Variants in DUSP16 observed in about 807,000 individuals in gnomAD.
DUSP16 encodes dual specificity protein phosphatase 16.
Under a neutral mutation model 58.3 loss-of-function variants are expected in DUSP16, and 21 were observed. The observed-to-expected ratio is 0.36, with a 90% CI of 0.26 to 0.52. DUSP16 has a LOEUF of 0.52. Ranked by LOEUF, DUSP16 falls within the 20% of genes least tolerant of loss-of-function variation. The pLI is 0.94. For synonymous variants in DUSP16, 320 were observed against 323.8 expected (o/e 0.99, Z 0.12); for missense variants, 726 against 819.0 (o/e 0.89, Z 1.39).
chr12:12,560,961 C>CACACACACACACACACACACAG, intron 1 of DUSP16: 1 of 152,300 alleles, frequency 6.6e-6, no homozygotes, highest in Admixed American at 6.5e-5. Flanking sequence ...CACACACACA[C>CACACACACACACACACACACAG]ACACAGAGGC....
At chr12:12,539,938 C>T (rs931764332) in intron 1 of DUSP16, among the ~76,000 whole-genome samples, 1 of 151,652 alleles carries the variant, frequency 6.6e-6, no homozygotes, top group Non-Finnish European at 1.5e-5. Context: ...CCCAGCTACT[C>T]GGGAGGCTGG....
At chr12:12,507,873 C>T (rs930222813) in intron 3 of DUSP16, among the ~76,000 whole-genome samples, 1 of 152,196 alleles carries the variant, frequency 6.6e-6, no homozygotes, top group Non-Finnish European at 1.5e-5. Context: ...CCTCCCAAAG[C>T]GCTGGGATTA....
intron 1 of DUSP16, chr12:12,554,808 A>T (rs1944784957): frequency 6.9e-6 from 1 of 145,160 alleles, no homozygotes. Context: ...TGTCTCAATT[A>T]AAAAAAAAAA....
intron 3 of DUSP16, among the ~76,000 whole-genome samples, chr12:12,508,227 C>A (rs1203462278): frequency 6.6e-6 from 1 of 152,024 alleles, no homozygotes; most frequent in African/African-American, 2.4e-5. Flanking sequence ...ATTTAGGCAA[C>A]TTTATTCTCT....
chr12:12,529,821 C>T (rs1443542957), intron 1 of DUSP16, among the ~76,000 whole-genome samples: 1 of 152,178 alleles, frequency 6.6e-6, no homozygotes, highest in Non-Finnish European at 1.5e-5. Context: ...TCACTTAACA[C>T]AATGTCCTCC....
intron 1 of DUSP16, chr12:12,554,698 T>C (rs1345051335): frequency 2.6e-5 from 4 of 152,190 alleles, no homozygotes; most frequent in Admixed American, 2.6e-4. Context: ...CACATGAAAA[T>C]ATTTTAACAT....
In DUSP16 at chr12:12,475,499, G is replaced by T. The variant is rs770867191; in HGVS notation, c.*1334C>A. ...CGTTTCCAAAAACAGCTTGGCCATG[G>T]CTTTGCACTCTATTCACAACTGATC... On this transcript the variant is annotated 3_prime_UTR_variant, in exon 7 of 7. Transcript: ENST00000298573. 4 of 152,152 alleles carry T rather than the reference G, an allele frequency of 2.6e-5. No homozygotes were observed. Among genetic ancestry groups the T allele is most frequent in the Non-Finnish European group, 5.9e-5 (4 of 68,046 alleles). 9.4% of individuals were successfully genotyped at this position (152,152 alleles called of 1,614,324 possible). A position where few individuals can be genotyped will look rare whatever the true frequency, so the allele number is the denominator to read the frequency against.
intron 1 of DUSP16, among the ~76,000 whole-genome samples, chr12:12,549,475 C>T (rs1461421608): frequency 6.6e-6 from 1 of 152,152 alleles, no homozygotes; most frequent in Non-Finnish European, 1.5e-5. Context: ...TCTCTGTCCA[C>T]AGCCTCATTT....
intron 1 of DUSP16, among the ~76,000 whole-genome samples, chr12:12,537,161 G>A (rs543089934): frequency 1.2e-4 from 19 of 152,032 alleles, no homozygotes; most frequent in African/African-American, 4.1e-4. Flanking sequence ...CTATTTTATA[G>A]ATAACTTTCA....
Position 12,474,327 on chromosome 12 carries a change from C to T in DUSP16, c.*2506G>A, listed in dbSNP as rs1475032680. ...CACAGTTTAACCGTTCAACAGCTGGCCTTACTTCAAAAGAACACTATATTC... is the reference window on the plus strand; with the variant it reads ...CACAGTTTAACCGTTCAACAGCTGGTCTTACTTCAAAAGAACACTATATTC... On this transcript the variant is annotated 3_prime_UTR_variant, in exon 7 of 7. Transcript: ENST00000298573. 1 of 152,230 alleles carries T rather than the reference C, an allele frequency of 6.6e-6. No individual in the cohort carries two copies. Among genetic ancestry groups the T allele is most frequent in the Non-Finnish European group, 1.5e-5 (1 of 68,038 alleles). 9.4% of individuals were successfully genotyped at this position (152,230 alleles called of 1,614,324 possible). A position where few individuals can be genotyped will look rare whatever the true frequency, so the allele number is the denominator to read the frequency against.
chr12:12,477,064 A>G lies in DUSP16; in HGVS notation c.1767T>C (p.Thr589=). ...GCACAGAATAGACTTGGTCTCCGCA[A>G]GTGGGCAGCTGGCTGCAGCTGTAGG... ...YSAYSCSQLP[T]CGDQVYSVRR... is the part of the protein sequence containing the mutation. Residue 589 remains threonine, a synonymous_variant, in exon 7 of 7, where the codon ACT becomes ACC. Transcript: ENST00000298573. The surrounding 1 kb of genome is among the most constrained non-coding windows in gnomAD (Gnocchi z 4.1). 1 of 1,614,256 alleles carries G rather than the reference A, an allele frequency of 6.2e-7. No individual in the cohort carries two copies. Among genetic ancestry groups the G allele is most frequent in the Non-Finnish European group, 8.5e-7 (1 of 1,180,046 alleles).
chr12:12,516,091 T>C (rs1049986695), intron 3 of DUSP16, among the ~76,000 whole-genome samples: 10 of 143,726 alleles, frequency 7.0e-5, no homozygotes, highest in African/African-American at 5.1e-5. Context: ...TGGAGAACTT[T>C]CTAAAGCATC....
At chr12:12,552,587 G>A (rs778152423) in intron 1 of DUSP16, among the ~76,000 whole-genome samples, 2 of 152,112 alleles carry the variant, frequency 1.3e-5, no homozygotes, top group East Asian at 1.9e-4. Flanking sequence ...TTTTCTTCAC[G>A]TATTTCAACC....
chr12:12,486,953 A>G, intron 5 of DUSP16, 75 bp downstream of exon 5: 1 of 1,546,566 alleles, frequency 6.5e-7, no homozygotes, highest in Non-Finnish European at 8.8e-7. Flanking sequence ...TAAAGAAAAA[A>G]TGGGGGGCTG....
At position 12,500,611 on chromosome 12, in the gene DUSP16, T is replaced by C. The variant is rs764452080; in HGVS notation, c.439A>G (p.Ile147Val). Residue 147 changes from isoleucine to valine, a missense_variant, in exon 4 of 7, where the codon ATT becomes GTT. Transcript: ENST00000298573. ...EGKSTLVPTCISQPCLPVANI... is the reference protein window; with the variant it reads ...EGKSTLVPTCVSQPCLPVANI... ...GCAACAGGTAAGCAAGGCTGAGAAA[T>C]GCAGGTAGGGACTAGAGTGGATTTT... The C allele has an allele frequency of 3.1e-6, 5 of 1,611,920 alleles. No individual in the cohort carries two copies. The South Asian group carries it at 5.5e-5, about 18-fold the overall frequency.
At chr12:12,507,050 G>C (rs985079985) in intron 3 of DUSP16, among the ~76,000 whole-genome samples, 1 of 151,818 alleles carries the variant, frequency 6.6e-6, no homozygotes, top group African/African-American at 2.4e-5. Flanking sequence ...ATTTTGGGGG[G>C]GAAAAATCTG....
intron 4 of DUSP16, among the ~76,000 whole-genome samples, chr12:12,497,403 T>C (rs182760533): frequency 8.5e-5 from 13 of 152,262 alleles, no homozygotes; most frequent in Admixed American, 5.9e-4. Context: ...TTCCAGAAGA[T>C]GGGCATTTTT....
chr12:12,479,811 G>A (rs778989438), intron 6 of DUSP16, among the ~76,000 whole-genome samples: 5 of 152,162 alleles, frequency 3.3e-5, no homozygotes, highest in Non-Finnish European at 7.3e-5. Flanking sequence ...GCATTTATGA[G>A]GCTTTTTCTT....
chr12:12,528,882 C>A lies in DUSP16; in HGVS notation c.-365-7419G>T, dbSNP rs74825667. Among the ~76,000 whole-genome samples, 1,147 of 152,110 alleles carry A rather than the reference C, an allele frequency of 7.5e-3. 11 individuals are homozygous for A. Among genetic ancestry groups the A allele is most frequent in the African/African-American group, 0.026 (1,097 of 41,492 alleles). On this transcript the variant is annotated intron_variant, in intron 1 of 6. Transcript: ENST00000298573. ...GCGGGGGTGGCTGTTAAATTGTAAA[C>A]AGAGTAGTCACAGAAGGCCTTACCT...
Sources: gnomAD v4.1 joint callset for allele counts (sites outside exome capture counted in the v4.1 genomes callset) on GRCh38, gnomAD v4.1.1 for gene constraint, Gnocchi (gnomAD v3.1) non-coding constraint, MANE v1.5 for transcripts, NCBI Gene and HGNC (gene_info 2026-07-23, HGNC 2026-07-21) for gene names.